The following CNTNAP2 variants were observed in gnomAD, a reference collection of about 807,000 sequenced individuals.
CNTNAP2 encodes the protein contactin-associated protein-like 2.
In CNTNAP2, 98 loss-of-function variants were observed where a neutral mutation model predicts 155.2. The ratio of observed to expected loss-of-function variants is 0.63; its 90% CI spans 0.54 to 0.75. The LOEUF (loss-of-function observed/expected upper bound fraction) is 0.75, where lower values mean the gene tolerates loss of function less well. Among genes scored for constraint, CNTNAP2 ranks in the 30% least tolerant of loss-of-function variants. CNTNAP2 has a pLI of 0.00. For synonymous variants in CNTNAP2, 651 were observed against 631.2 expected, an observed-to-expected ratio of 1.03 and a Z score of -0.47; for missense variants, 1,727 against 1,688.1, an observed-to-expected ratio of 1.02 and a Z score of -0.40.
chr7:147,638,939 C>A, intron 12 of CNTNAP2, 167 bp from the exon 13 acceptor site: 1 of 744,712 alleles, frequency 1.3e-6, no homozygotes, highest in Non-Finnish European at 2.4e-6. Flanking sequence ...ATAAGCAGAA[C>A]TTAGGGATGA....
At chr7:147,333,196 A>G (rs1213918411) in intron 9 of CNTNAP2, among the ~76,000 whole-genome samples, 1 of 152,192 alleles carries the variant, frequency 6.6e-6, no homozygotes, top group Non-Finnish European at 1.5e-5. Context: ...TGACTGCCAC[A>G]TAAAGTTCCT....
intron 13 of CNTNAP2, among the ~76,000 whole-genome samples, chr7:147,836,339 C>T (rs1454746444): frequency 6.6e-6 from 1 of 152,064 alleles, no homozygotes; most frequent in Non-Finnish European, 1.5e-5. Flanking sequence ...GTCCTCCCAG[C>T]CTTCCCCTTC....
chr7:146,414,015 A>G (rs944417161), intron 1 of CNTNAP2, among the ~76,000 whole-genome samples: 2 of 152,114 alleles, frequency 1.3e-5, no homozygotes, highest in African/African-American at 4.8e-5. Flanking sequence ...AAACTTAATT[A>G]TTTCTTCAGA....
intron 12 of CNTNAP2, among the ~76,000 whole-genome samples, chr7:147,580,766 C>T (rs1238087815): frequency 2.6e-5 from 4 of 152,086 alleles, no homozygotes; most frequent in Non-Finnish European, 5.9e-5. Flanking sequence ...CAGGCATGTG[C>T]CACCGTGCCC....
chr7:147,351,553 A>G (rs34054258), intron 9 of CNTNAP2, among the ~76,000 whole-genome samples: 34,407 of 151,668 alleles, frequency 0.23, 4,300 homozygotes, highest in Non-Finnish European at 0.28. Context: ...AAACAGTAGT[A>G]TTTGTATTTC....
intron 1 of CNTNAP2, among the ~76,000 whole-genome samples, chr7:146,457,389 C>A (rs1383405537): frequency 6.8e-6 from 1 of 147,772 alleles, no homozygotes; most frequent in Non-Finnish European, 1.5e-5. Flanking sequence ...GAAAGTTAAT[C>A]AGTGTGAATA....
intron 10 of CNTNAP2, among the ~76,000 whole-genome samples, chr7:147,402,507 G>C (rs1263950893): frequency 6.6e-6 from 1 of 152,184 alleles, no homozygotes; most frequent in African/African-American, 2.4e-5. Context: ...TTAGCATTGA[G>C]AGTCCTGCTT....
intron 13 of CNTNAP2, among the ~76,000 whole-genome samples, chr7:147,803,417 C>T (rs1798038789): frequency 1.3e-5 from 2 of 152,142 alleles, no homozygotes; most frequent in Non-Finnish European, 2.9e-5. Flanking sequence ...TGCCCGTGGA[C>T]CTGCTGGTGG....
intron 8 of CNTNAP2, among the ~76,000 whole-genome samples, chr7:147,223,939 C>CAAAAA (rs571724956): frequency 2.2e-5 from 1 of 45,788 alleles, no homozygotes; most frequent in Non-Finnish European, 4.8e-5. Context: ...GACTCAATCT[C>CAAAAA]AAAAAAAAAA....
At chr7:146,491,548 C>T (rs144301200) in intron 1 of CNTNAP2, among the ~76,000 whole-genome samples, 1 of 152,056 alleles carries the variant, frequency 6.6e-6, no homozygotes, top group Non-Finnish European at 1.5e-5. Context: ...AGATTAACTC[C>T]CCAAAGGGTA....
At chr7:147,670,680 T>C (rs113075086) in intron 13 of CNTNAP2, among the ~76,000 whole-genome samples, 3,445 of 152,280 alleles carry the variant, frequency 0.023, 145 homozygotes, top group African/African-American at 0.077. Context: ...CCATTCCATT[T>C]GCTTTTCAGC....
At chr7:146,339,696 A>G (rs939501106) in intron 1 of CNTNAP2, among the ~76,000 whole-genome samples, 3 of 152,300 alleles carry the variant, frequency 2.0e-5, no homozygotes, top group East Asian at 3.9e-4. Context: ...TGAATAAACA[A>G]AAGTAGATGT....
intron 13 of CNTNAP2, among the ~76,000 whole-genome samples, chr7:147,758,491 T>C (rs1301676317): frequency 6.6e-6 from 1 of 152,006 alleles, no homozygotes; most frequent in African/African-American, 2.4e-5. Flanking sequence ...GCTGTGACAG[T>C]TGGGGTAGGG....
intron 1 of CNTNAP2, among the ~76,000 whole-genome samples, chr7:146,569,739 G>C (rs1229901081): frequency 6.6e-6 from 1 of 151,992 alleles, no homozygotes; most frequent in African/African-American, 2.4e-5. Flanking sequence ...TAATACTACA[G>C]GAAAAAAAGG....
intron 15 of CNTNAP2, among the ~76,000 whole-genome samples, chr7:148,045,672 C>A (rs954219133): frequency 4.6e-5 from 7 of 152,208 alleles, no homozygotes; most frequent in Non-Finnish European, 8.8e-5. Context: ...TGGCTGCCTT[C>A]CAGTGAATAT....
At chr7:148,035,315 CTG>C (rs1448588003) in intron 15 of CNTNAP2, among the ~76,000 whole-genome samples, 1 of 152,124 alleles carries the variant, frequency 6.6e-6, no homozygotes, top group African/African-American at 2.4e-5. Context: ...TTGGAGATCT[CTG>C]AGGCTCTCCC....
chr7:147,549,867 A>AT (rs1799817182), intron 11 of CNTNAP2, among the ~76,000 whole-genome samples: 1 of 152,202 alleles, frequency 6.6e-6, no homozygotes. Context: ...ATTTATTTAA[A>AT]TAACACACGC....
rs1433579404 is a variant in CNTNAP2 at position 147,949,458 on chromosome 7, A to ATATATATATATATATTTT, written c.2256-28403_2256-28402insATATATATATATATTTTT. On this transcript the variant is annotated intron_variant, in intron 14 of 23. Coordinates refer to ENST00000361727, the MANE Select transcript of CNTNAP2 (RefSeq NM_014141.6). ...ACTGTGTGTATATATATATATATAT[A>ATATATATATATATATTTT]TTTTTTTTTTTTAGGTTTATTGCAG... Among the ~76,000 whole-genome samples, 8 of 137,406 alleles carry ATATATATATATATATTTT rather than the reference A, an allele frequency of 5.8e-5. No individual in the cohort carries two copies. The South Asian group carries it at 1.4e-3, about 25-fold the overall frequency. The allele number at this position is 137,406 out of a possible 152,430, so 90.1% of individuals were successfully genotyped here. A position where few individuals can be genotyped will look rare whatever the true frequency, so the allele number is the denominator to read the frequency against.
At chr7:146,234,412 T>C (rs1799437876) in intron 1 of CNTNAP2, among the ~76,000 whole-genome samples, 1 of 152,216 alleles carries the variant, frequency 6.6e-6, no homozygotes, top group African/African-American at 2.4e-5. Context: ...TTGTGTAGGT[T>C]GCCTGTTCAC....
Sources: allele counts gnomAD v4.1 joint callset (sites outside exome capture counted in the v4.1 genomes callset), GRCh38; gene constraint gnomAD v4.1.1; transcripts MANE v1.5; gene names NCBI Gene and HGNC (gene_info 2026-07-23, HGNC 2026-07-21).